Variants in TAOK3 observed in about 807,000 individuals in gnomAD.
TAOK3 encodes serine/threonine-protein kinase TAO3.
In TAOK3, 40 loss-of-function variants were observed where a neutral mutation model predicts 120.4. The observed-to-expected ratio is 0.33, with a 90% CI of 0.26 to 0.43. The LOEUF (loss-of-function observed/expected upper bound fraction) is 0.43, where lower values mean the gene tolerates loss of function less well. Ranked by LOEUF, TAOK3 falls within the 20% of genes least tolerant of loss-of-function variation. The pLI is 1.00. For synonymous variants in TAOK3, 355 were observed against 387.5 expected (o/e 0.92, Z 0.99); for missense variants, 821 against 1,112.1 (o/e 0.74, Z 3.72).
intron 2 of TAOK3, among the ~76,000 whole-genome samples, chr12:118,262,520 T>C (rs2041275077): frequency 6.6e-6 from 1 of 151,720 alleles, no homozygotes; most frequent in Admixed American, 6.6e-5. Context: ...AAAAATATCA[T>C]GGTAGCATAA....
chr12:118,207,411 C>T (rs1042342809), intron 11 of TAOK3, among the ~76,000 whole-genome samples: 1 of 150,174 alleles, frequency 6.7e-6, no homozygotes, highest in Non-Finnish European at 1.5e-5. Context: ...TACAGAATAT[C>T]ATTTTAGACA....
rs545272547 is a variant in TAOK3, at chr12:118,254,040, G to C, written c.120+1408C>G. Among the ~76,000 whole-genome samples the C allele has an allele frequency of 1.1e-3, 175 of 152,364 alleles. 1 individual carries two copies. The highest frequency in any genetic ancestry group is 3.8e-3 in the African/African-American group (159 of 41,592). On this transcript the variant is annotated intron_variant, in intron 3 of 20. Coordinates refer to ENST00000392533, the MANE Select transcript of TAOK3 (RefSeq NM_016281.4). ...ACTGTACTCCAGCCTGGGCTACAGA[G>C]CGAGGCTCTGTCTCAAAAAACAAAC...
intron 3 of TAOK3, among the ~76,000 whole-genome samples, chr12:118,249,653 T>C (rs2140089921): frequency 6.6e-6 from 1 of 150,932 alleles, no homozygotes; most frequent in South Asian, 2.1e-4. Flanking sequence ...CAAAACCCTG[T>C]ATCTACAAAA....
intron 16 of TAOK3, among the ~76,000 whole-genome samples, chr12:118,175,663 CAT>C (rs2036280158): frequency 6.6e-6 from 1 of 151,948 alleles, no homozygotes; most frequent in African/African-American, 2.4e-5. Context: ...AGCTCAAACA[CAT>C]GATTTTATAT....
intron 1 of TAOK3, among the ~76,000 whole-genome samples, chr12:118,340,139 T>C (rs1324983007): frequency 6.6e-6 from 1 of 152,208 alleles, no homozygotes; most frequent in Non-Finnish European, 1.5e-5. Context: ...GCCTGAAATA[T>C]GGAGAGTGAC....
At chr12:118,364,943 G>T (rs980455698) in intron 1 of TAOK3, among the ~76,000 whole-genome samples, 1 of 152,160 alleles carries the variant, frequency 6.6e-6, no homozygotes, top group Non-Finnish European at 1.5e-5. Flanking sequence ...CACTTCCTAT[G>T]TGTCACTGTG....
rs148086978 is a variant in TAOK3, at chr12:118,222,465, G to A, written c.644-8355C>T. Among the ~76,000 whole-genome samples, 836 of 151,992 alleles carry A rather than the reference G, an allele frequency of 5.5e-3. 10 individuals carry two copies. The highest frequency in any genetic ancestry group is 0.019 in the African/African-American group (777 of 41,448). On this transcript the variant is annotated intron_variant, in intron 9 of 20. Coordinates refer to ENST00000392533, the MANE Select transcript of TAOK3 (RefSeq NM_016281.4). ...GGAGAATTGCTTGAACCCGGGAGGC[G>A]GTGGTTGCAGTGAGCTAAGATCATG...
rs34458120 is a variant in TAOK3, at chr12:118,274,795, AT to A, written c.-193-8037del. Among the ~76,000 whole-genome samples, 1,013 of 141,594 alleles carry A rather than the reference AT, an allele frequency of 7.2e-3. 2 individuals carry two copies. Among genetic ancestry groups the A allele is most frequent in the Non-Finnish European group, 7.8e-3 (503 of 64,180 alleles). The allele number at this position is 141,594 out of a possible 152,430, so 92.9% of individuals were successfully genotyped here. ...AGGCACGTGCGACCACACCCTGTTA[AT>A]TTTTTTTTTTTTTTTTAGTAGAGAC... On this transcript the variant is annotated intron_variant, in intron 1 of 20. Transcript: ENST00000392533.
intron 1 of TAOK3, among the ~76,000 whole-genome samples, chr12:118,356,682 G>C (rs2045408061): frequency 6.6e-6 from 1 of 152,086 alleles, no homozygotes; most frequent in Admixed American, 6.6e-5. Flanking sequence ...GGAGGCAGAG[G>C]CAGGAGGATC....
intron 1 of TAOK3, among the ~76,000 whole-genome samples, chr12:118,360,621 T>C (rs2045566323): frequency 6.6e-6 from 1 of 150,688 alleles, no homozygotes; most frequent in South Asian, 2.1e-4. Flanking sequence ...TGCTTACTAA[T>C]TGGCTTCTAT....
intron 1 of TAOK3, among the ~76,000 whole-genome samples, chr12:118,289,145 A>C (rs2042376453): frequency 6.6e-6 from 1 of 151,696 alleles, no homozygotes; most frequent in African/African-American, 2.4e-5. Context: ...TACTAAAAAT[A>C]CAAAAATTAG....
At chr12:118,211,664 G>A (rs2038641361) in intron 11 of TAOK3, among the ~76,000 whole-genome samples, 1 of 149,500 alleles carries the variant, frequency 6.7e-6, no homozygotes, top group African/African-American at 2.5e-5. Context: ...TGCCCAGGCT[G>A]GAGTGCAGTG....
chr12:118,196,050 A>AAAT (rs2037708078), intron 13 of TAOK3, among the ~76,000 whole-genome samples: 1 of 138,138 alleles, frequency 7.2e-6, no homozygotes. Flanking sequence ...ACTCCATCTC[A>AAAT]AAATAAATAA....
intron 1 of TAOK3, among the ~76,000 whole-genome samples, chr12:118,302,056 TG>T (rs1269405286): frequency 6.6e-6 from 1 of 152,200 alleles, no homozygotes; most frequent in Admixed American, 6.5e-5. Flanking sequence ...TTGTCCAGTA[TG>T]GTGGGGTTTT....
intron 1 of TAOK3, among the ~76,000 whole-genome samples, chr12:118,351,770 A>G (rs1168074296): frequency 6.6e-6 from 1 of 152,018 alleles, no homozygotes; most frequent in Non-Finnish European, 1.5e-5. Context: ...CTTGTAACAC[A>G]GCAGGCACTT....
rs572128747 is a variant in TAOK3 at position 118,231,204 on chromosome 12, G to A, written c.643+2470C>T. On this transcript the variant is annotated intron_variant, in intron 9 of 20. Transcript: ENST00000392533. ...CTGGAAGGACACACCAATTAATAAA[G>A]TGGTTCCCTGCGTGTGTTGGCAGGG... Among the ~76,000 whole-genome samples, 3 of 152,290 alleles carry A rather than the reference G, an allele frequency of 2.0e-5. No homozygotes were observed. In the South Asian group the frequency reaches 6.2e-4, roughly 32 times the overall value.
chr12:118,367,396 AC>A (rs2045766957), intron 1 of TAOK3, among the ~76,000 whole-genome samples: 1 of 152,088 alleles, frequency 6.6e-6, no homozygotes, highest in South Asian at 2.1e-4. Context: ...ATCAGTTATT[AC>A]TAAAATTTGA....
intron 1 of TAOK3, among the ~76,000 whole-genome samples, chr12:118,302,929 C>T (rs1364383110): frequency 2.0e-5 from 3 of 152,002 alleles, no homozygotes; most frequent in Non-Finnish European, 2.9e-5. Flanking sequence ...TGAGTGGAAC[C>T]GTGCACTATT....
intron 1 of TAOK3, among the ~76,000 whole-genome samples, chr12:118,338,780 C>T (rs2044473122): frequency 8.9e-6 from 1 of 111,954 alleles, no homozygotes; most frequent in Non-Finnish European, 1.7e-5. Flanking sequence ...GAGTGAGACT[C>T]CGTCTCAAAA....
Sources: gnomAD v4.1 joint callset for allele counts (sites outside exome capture counted in the v4.1 genomes callset) on GRCh38, gnomAD v4.1.1 for gene constraint, MANE v1.5 for transcripts, NCBI Gene and HGNC (gene_info 2026-07-23, HGNC 2026-07-21) for gene names.